Variants in MBD3 observed in about 807,000 individuals in gnomAD.
MBD3 encodes methyl-CpG binding domain protein 3.
MBD3 carries 13 observed loss-of-function variants against 31.2 expected under a neutral mutation model. The ratio of observed to expected loss-of-function variants is 0.42; its 90% CI spans 0.27 to 0.66. The LOEUF (loss-of-function observed/expected upper bound fraction) is 0.66, where lower values mean the gene tolerates loss of function less well. Among genes scored for constraint, MBD3 ranks in the 30% least tolerant of loss-of-function variants. The pLI is 0.26. For synonymous variants in MBD3, 223 were observed against 187.4 expected, an observed-to-expected ratio of 1.19 and a Z score of -1.55; for missense variants, 440 against 426.5, an observed-to-expected ratio of 1.03 and a Z score of -0.28.
chr19:1,575,073 G>A lies in MBD3; in HGVS notation c.*3091C>T, dbSNP rs988808029. 2.1e-5 allele frequency: 8 copies of A among 372,664 alleles called. 1 individual carries two copies. Among genetic ancestry groups the A allele is most frequent in the South Asian group, 1.3e-4 (7 of 52,446 alleles). 23.1% of individuals were successfully genotyped at this position (372,664 alleles called of 1,614,324 possible). Reference sequence around the variant, plus strand: ...CTCCTCCCTGGTACCCTCTGTGGCGGCAGCGGTGGGGAGCTTGGTCTGAGG... The same window carrying A: ...CTCCTCCCTGGTACCCTCTGTGGCGACAGCGGTGGGGAGCTTGGTCTGAGG... On this transcript the variant is annotated 3_prime_UTR_variant, in exon 7 of 7. Coordinates refer to ENST00000434436, the MANE Select transcript of MBD3 (RefSeq NM_001281453.2).
intron 4 of MBD3, 158 bp from the exon 5 acceptor site, chr19:1,581,427 TTAC>T (rs976158362): frequency 6.5e-6 from 5 of 769,712 alleles, no homozygotes; most frequent in Admixed American, 4.3e-5. Context: ...CCCGCTTGTG[TTAC>T]TACATTCATA....
intron 5 of MBD3, among the ~76,000 whole-genome samples, chr19:1,579,083 C>T (rs1425400228): frequency 6.8e-6 from 1 of 146,264 alleles, no homozygotes; most frequent in African/African-American, 2.5e-5. Context: ...ACTTGGGAGG[C>T]TGAGGCAGGA....
intron 1 of MBD3, among the ~76,000 whole-genome samples, chr19:1,586,969 ATTTT>A (rs1262094351): frequency 1.7e-5 from 2 of 115,832 alleles, no homozygotes; most frequent in Admixed American, 8.7e-5. Flanking sequence ...GCCCGGCCTA[ATTTT>A]TTTTTTTTTT....
chr19:1,592,323 G>T (rs1379605189), intron 1 of MBD3, 199 bp downstream of exon 1: 1 of 166,720 alleles, frequency 6.0e-6, no homozygotes, highest in Admixed American at 6.4e-5. Context: ...ACGGCCGGCC[G>T]AAAGCCATGC....
At position 1,588,779 on chromosome 19, in the gene MBD3, CAAA is replaced by C. The variant is rs750933978; in HGVS notation, c.111-3568_111-3566del. Among the ~76,000 whole-genome samples the C allele has an allele frequency of 7.3e-5, 4 of 54,944 alleles. 1 individual carries two copies. The South Asian group carries it at 2.2e-3, about 30-fold the overall frequency. The allele number at this position is 54,944 out of a possible 152,430, so 36.0% of individuals were successfully genotyped here. On this transcript the variant is annotated intron_variant, in intron 1 of 6. Transcript: ENST00000434436. ...GGGCGACAGAGCAAGACTGTGTCTC[CAAA>C]AAAAAAAAAAAAAAAAAAAGGTGTA... is the stretch of plus-strand genomic sequence containing the variant.
In MBD3 at chr19:1,592,510, G is replaced by A; in HGVS notation, c.110+12C>T. On this transcript the variant is annotated intron_variant, in intron 1 of 6. Coordinates refer to ENST00000434436, the MANE Select transcript of MBD3 (RefSeq NM_001281453.2). ...CCCGTTGAGGCCCTGCGCGGCCGGCGCGCTCATTCACCTATAGTAAAAGAC... is the reference window on the plus strand; with the variant it reads ...CCCGTTGAGGCCCTGCGCGGCCGGCACGCTCATTCACCTATAGTAAAAGAC... The A allele has an allele frequency of 7.3e-7, 1 of 1,376,222 alleles. No homozygotes were observed. The highest frequency in any genetic ancestry group is 1.2e-5 in the South Asian group (1 of 80,468). 85.3% of individuals were successfully genotyped at this position (1,376,222 alleles called of 1,614,324 possible). A position where few individuals can be genotyped will look rare whatever the true frequency, so the allele number is the denominator to read the frequency against.
rs907052199 is a variant in MBD3 at position 1,578,140 on chromosome 19, C to T, written c.*24G>A. The T allele has an allele frequency of 9.6e-6, 8 of 831,552 alleles. No homozygotes were observed. The highest frequency in any genetic ancestry group is 2.7e-5 in the East Asian group (1 of 37,722). 51.5% of individuals were successfully genotyped at this position (831,552 alleles called of 1,614,324 possible). A position where few individuals can be genotyped will look rare whatever the true frequency, so the allele number is the denominator to read the frequency against. On this transcript the variant is annotated 3_prime_UTR_variant, in exon 7 of 7. Coordinates refer to ENST00000434436, the MANE Select transcript of MBD3 (RefSeq NM_001281453.2). This position sits in a 1 kb window ranked among gnomAD's most constrained non-coding sequence, Gnocchi z 6.1. ...CTGCAGGCGGCTCCAGCAGGCAGCACGGGCTCTCGGCAGGGCCTCTGGAAA... is the reference window on the plus strand; with the variant it reads ...CTGCAGGCGGCTCCAGCAGGCAGCATGGGCTCTCGGCAGGGCCTCTGGAAA...
intron 1 of MBD3, chr19:1,586,401 A>G (rs1211016967): frequency 2.0e-5 from 3 of 152,318 alleles, no homozygotes; most frequent in African/African-American, 7.2e-5. Context: ...GTGTGATCCC[A>G]TTTCTAAGAA....
intron 2 of MBD3, 153 bp from the exon 3 acceptor site, chr19:1,584,830 G>A: frequency 4.1e-6 from 4 of 976,734 alleles, no homozygotes; most frequent in Non-Finnish European, 5.6e-6. Context: ...GGCCGCTCCC[G>A]CAGGGTCGGT....
chr19:1,581,526 T>G, intron 4 of MBD3: 1 of 555,136 alleles, frequency 1.8e-6, no homozygotes, highest in Admixed American at 3.0e-5. Flanking sequence ...GAGGACTGAT[T>G]GAGCTTAGGA....
chr19:1,591,504 T>C lies in MBD3; in HGVS notation c.110+1018A>G, dbSNP rs555553315. Among the ~76,000 whole-genome samples, 5 of 151,890 alleles carry C rather than the reference T, an allele frequency of 3.3e-5. No individual in the cohort carries two copies. In the East Asian group the frequency reaches 9.8e-4, roughly 30 times the overall value. ...AAACCACCCGCCCTCACCTGGGCGG[T>C]CTCCTGCCCACGACCCCGAGCTGTG... On this transcript the variant is annotated intron_variant, in intron 1 of 6. Coordinates refer to ENST00000434436, the MANE Select transcript of MBD3 (RefSeq NM_001281453.2).
At chr19:1,584,438 C>T in intron 3 of MBD3, 102 bp downstream of exon 3, 2 of 1,529,182 alleles carry the variant, frequency 1.3e-6, no homozygotes, top group South Asian at 2.2e-5. Flanking sequence ...GGAACTCCTG[C>T]GCTCACTACG....
At position 1,581,140 on chromosome 19, in the gene MBD3, G is replaced by A. The variant is rs1389237167; in HGVS notation, c.629C>T (p.Thr210Ile). Residue 210 changes from threonine to isoleucine, a missense_variant, in exon 5 of 7, where the codon ACC (threonine) becomes ATC (isoleucine). Thr to Ile is a moderately conservative substitution (Grantham distance 89). Around this residue, in one of 3 missense-constraint regions of MBD3, gnomAD observed 144 missense variants for 196.9 expected, o/e 0.73. Transcript: ENST00000434436. ...GAAGGCTTTGCACAGGGGCTGCGTG[G>A]TGTTGAGCCATACGCCGGGGTTCTT... is the stretch of plus-strand genomic sequence containing the variant. ...VEKNPGVWLNTTQPLCKAFMV... is the reference protein window; with the variant it reads ...VEKNPGVWLNITQPLCKAFMV... 5 of 1,614,046 alleles carry A rather than the reference G, an allele frequency of 3.1e-6. No individual in the cohort carries two copies. In the South Asian group the frequency reaches 5.5e-5, roughly 18 times the overall value.
rs1915032608 is a variant in MBD3, at chr19:1,573,937, G to A, written c.*4227C>T. On this transcript the variant is annotated 3_prime_UTR_variant, in exon 7 of 7. Transcript: ENST00000434436. ...GAATCTATTGAACCCGGGAGGAGGA[G>A]GTTGCGGTGAGCCAAGTTTGCACCA... is the stretch of plus-strand genomic sequence containing the variant. 6.6e-6 allele frequency: 1 copy of A among 152,132 alleles called. No homozygotes were observed. Among genetic ancestry groups the A allele is most frequent in the Admixed American group, 6.6e-5 (1 of 15,260 alleles). 9.4% of individuals were successfully genotyped at this position (152,132 alleles called of 1,614,324 possible).
chr19:1,578,198 G>A lies in MBD3; in HGVS notation c.*6-40C>T, dbSNP rs944885173. On this transcript the variant is annotated intron_variant, in intron 6 of 6. Coordinates refer to ENST00000434436, the MANE Select transcript of MBD3 (RefSeq NM_001281453.2). The surrounding 1 kb of genome is among the most constrained non-coding windows in gnomAD (Gnocchi z 6.1). ...GAGGGCTGGCTTTAGCGACTCCACG[G>A]GACGGGGACGCTTGGGCTCTTCTAG... 9.0e-5 allele frequency: 123 copies of A among 1,366,490 alleles called. No individual in the cohort carries two copies. Among genetic ancestry groups the A allele is most frequent in the Non-Finnish European group, 9.7e-5 (96 of 990,316 alleles). The allele number at this position is 1,366,490 out of a possible 1,614,324, so 84.6% of individuals were successfully genotyped here.
intron 2 of MBD3, 139 bp from the exon 3 acceptor site, chr19:1,584,816 G>A: frequency 9.8e-7 from 1 of 1,016,640 alleles, no homozygotes; most frequent in Non-Finnish European, 1.3e-6. Flanking sequence ...CCACGGTCCG[G>A]GGAGGCCGCT....
Position 1,578,023 on chromosome 19 carries a change from A to C in MBD3, c.*141T>G. 4.1e-6 allele frequency: 2 copies of C among 491,948 alleles called. No homozygotes were observed. Among genetic ancestry groups the C allele is most frequent in the Non-Finnish European group, 7.4e-6 (2 of 269,662 alleles). 30.5% of individuals were successfully genotyped at this position (491,948 alleles called of 1,614,324 possible). A position where few individuals can be genotyped will look rare whatever the true frequency, so the allele number is the denominator to read the frequency against. On this transcript the variant is annotated 3_prime_UTR_variant, in exon 7 of 7. Coordinates refer to ENST00000434436, the MANE Select transcript of MBD3 (RefSeq NM_001281453.2). The surrounding 1 kb of genome is among the most constrained non-coding windows in gnomAD (Gnocchi z 6.1). The stretch of plus-strand genomic sequence containing the variant: ...GGCCCCGGGAAGTGGGGACGGGCCG[A>C]GGAGGGAGCCAGGAGCACGGCCTTC...
At chr19:1,581,698 C>T (rs752121447) in intron 4 of MBD3, 19 of 304,876 alleles carry the variant, frequency 6.2e-5, no homozygotes, top group Non-Finnish European at 8.9e-5. Flanking sequence ...TGAGTAGTAA[C>T]GGCGCCACTG....
chr19:1,575,329 G>A lies in MBD3; in HGVS notation c.*2835C>T, dbSNP rs759502287. 1 of 438,736 alleles carries A rather than the reference G, an allele frequency of 2.3e-6. No homozygotes were observed. The highest frequency in any genetic ancestry group is 1.6e-5 in the South Asian group (1 of 63,962). The allele number at this position is 438,736 out of a possible 1,614,324, so 27.2% of individuals were successfully genotyped here. On this transcript the variant is annotated 3_prime_UTR_variant, in exon 7 of 7. Coordinates refer to ENST00000434436, the MANE Select transcript of MBD3 (RefSeq NM_001281453.2). ...GGGAGGCTGAGGCTTGAACCCAGAA[G>A]GTGGAGGTTGCAGTGAGCCCAGATC...
Sources: gnomAD v4.1 joint callset for allele counts (sites outside exome capture counted in the v4.1 genomes callset) on GRCh38, gnomAD v4.1.1 for gene constraint, gnomAD v4.1.1 regional missense constraint, Gnocchi (gnomAD v3.1) non-coding constraint, MANE v1.5 for transcripts, NCBI Gene and HGNC (gene_info 2026-07-23, HGNC 2026-07-21) for gene names.